Variants in KIF3C observed in about 807,000 individuals in gnomAD.
KIF3C encodes kinesin family member 3C, also known as kinesin-like protein KIF3C.
In KIF3C, 12 loss-of-function variants were observed where a neutral mutation model predicts 67.7. That is an observed-to-expected ratio of 0.18 (90% confidence interval 0.11 to 0.29). The LOEUF is 0.29. Ranked by LOEUF, KIF3C falls within the 10% of genes least tolerant of loss-of-function variation. The pLI is 1.00. For missense variants in KIF3C, 789 were observed against 1,059.6 expected, an observed-to-expected ratio of 0.74 and a Z score of 3.55; for synonymous variants, 393 against 426.2, an observed-to-expected ratio of 0.92 and a Z score of 0.96.
intron 5 of KIF3C, among the ~76,000 whole-genome samples, chr2:25,932,608 G>A (rs955970786): frequency 1.3e-5 from 2 of 150,178 alleles, no homozygotes; most frequent in Non-Finnish European, 1.5e-5. Flanking sequence ...CGAGGCAGGC[G>A]GATCACCTGA....
intron 1 of KIF3C, among the ~76,000 whole-genome samples, chr2:25,966,991 C>T (rs1258218521): frequency 6.6e-6 from 1 of 152,182 alleles, no homozygotes; most frequent in Non-Finnish European, 1.5e-5. Flanking sequence ...GATATTTGAC[C>T]ACCACCGCCC....
At chr2:25,950,994 T>G (rs1663595374) in intron 5 of KIF3C, among the ~76,000 whole-genome samples, 1 of 152,148 alleles carries the variant, frequency 6.6e-6, no homozygotes, top group Non-Finnish European at 1.5e-5. Context: ...GACCTCTTGC[T>G]AGCTTCCCAT....
chr2:25,966,325 C>T (rs567701802), intron 1 of KIF3C, among the ~76,000 whole-genome samples: 8 of 152,240 alleles, frequency 5.3e-5, no homozygotes, highest in Admixed American at 1.3e-4. Context: ...AGGCTGGTCT[C>T]GAACTCCTGA....
intron 5 of KIF3C, among the ~76,000 whole-genome samples, chr2:25,947,576 C>T (rs979914129): frequency 2.0e-5 from 3 of 147,602 alleles, no homozygotes; most frequent in African/African-American, 5.0e-5. Flanking sequence ...GCGAGACTGC[C>T]TCAAAAAAAA....
intron 1 of KIF3C, among the ~76,000 whole-genome samples, chr2:25,979,300 T>A (rs6724232): frequency 0.13 from 19,915 of 151,996 alleles, 1,679 homozygotes; most frequent in African/African-American, 0.24. Context: ...GCCTGGAAGG[T>A]CCCGGGGGTG....
chr2:25,962,086 G>A lies in KIF3C; in HGVS notation c.1546-5642C>T, dbSNP rs78680011. Among the ~76,000 whole-genome samples, 1,440 of 152,270 alleles carry A rather than the reference G, an allele frequency of 9.5e-3. 23 individuals carry two copies. Among genetic ancestry groups the A allele is most frequent in the African/African-American group, 0.032 (1,341 of 41,564 alleles). ...ATCCATCCTGGCACATAGAGTAAGAGCTCACGTCTTGAGGTTTGACAGCAG... is the reference window on the plus strand; with the variant it reads ...ATCCATCCTGGCACATAGAGTAAGAACTCACGTCTTGAGGTTTGACAGCAG... On this transcript the variant is annotated intron_variant, in intron 1 of 7. Transcript: ENST00000264712.
chr2:25,966,265 C>T (rs1254805038), intron 1 of KIF3C, among the ~76,000 whole-genome samples: 1 of 152,124 alleles, frequency 6.6e-6, no homozygotes, highest in Non-Finnish European at 1.5e-5. Context: ...GCCACCACGC[C>T]CAGCTAGCTT....
intron 5 of KIF3C, among the ~76,000 whole-genome samples, chr2:25,936,165 T>C (rs1663120446): frequency 6.6e-6 from 1 of 152,084 alleles, no homozygotes; most frequent in Non-Finnish European, 1.5e-5. Context: ...TGCCACAATA[T>C]ATTAATAAAA....
Position 25,974,639 on chromosome 2 carries a change from T to C in KIF3C, c.1545+5734A>G, listed in dbSNP as rs543847104. On this transcript the variant is annotated intron_variant, in intron 1 of 7. Transcript: ENST00000264712. ...CTGGCTGACTCTGATGCCCATGCCC[T>C]GAACATAGCACTTCATATAATAAGG... Among the ~76,000 whole-genome samples the C allele has an allele frequency of 3.3e-5, 5 of 152,266 alleles. No individual in the cohort carries two copies. The South Asian group carries it at 1.0e-3, about 32-fold the overall frequency.
At chr2:25,962,914 T>TACATATA (rs1559555261) in intron 1 of KIF3C, among the ~76,000 whole-genome samples, 10 of 54,916 alleles carry the variant, frequency 1.8e-4, no homozygotes, top group Admixed American at 7.1e-4. Context: ...TAATATATAA[T>TACATATA]ATATATAATA....
chr2:25,943,725 C>A (rs1294367385), intron 5 of KIF3C, among the ~76,000 whole-genome samples: 1 of 151,870 alleles, frequency 6.6e-6, no homozygotes, highest in Non-Finnish European at 1.5e-5. Flanking sequence ...ATTTGCCAGG[C>A]GTGGTGGCAC....
At chr2:25,932,626 A>G (rs2090470883) in intron 5 of KIF3C, among the ~76,000 whole-genome samples, 1 of 150,214 alleles carries the variant, frequency 6.7e-6, no homozygotes, top group Non-Finnish European at 1.5e-5. Flanking sequence ...TGAGGTCAGG[A>G]GTTTGAGACC....
At chr2:25,963,013 T>TATATAATATATA (rs1275841207) in intron 1 of KIF3C, among the ~76,000 whole-genome samples, 1 of 44,370 alleles carries the variant, frequency 2.3e-5, no homozygotes, top group East Asian at 6.0e-4. Flanking sequence ...TAATATATAA[T>TATATAATATATA]ATATATAATA....
chr2:25,974,348 A>G (rs1398586289), intron 1 of KIF3C, among the ~76,000 whole-genome samples: 3 of 152,064 alleles, frequency 2.0e-5, no homozygotes, highest in Non-Finnish European at 4.4e-5. Flanking sequence ...GATTACAGGC[A>G]TGAGCCACCG....
In KIF3C at chr2:25,926,918, G is replaced by A. The variant is rs1471605703; in HGVS notation, c.*2060C>T. 1 of 152,142 alleles carries A rather than the reference G, an allele frequency of 6.6e-6. No homozygotes were observed. The highest frequency in any genetic ancestry group is 6.6e-5 in the Admixed American group (1 of 15,256). 9.4% of individuals were successfully genotyped at this position (152,142 alleles called of 1,614,324 possible). On this transcript the variant is annotated 3_prime_UTR_variant, in exon 8 of 8. Transcript: ENST00000264712. ...CAATCAAATATTTGATACACCAAAA[G>A]GAAAAGGAGAGAAAGAGAGACAGAG...
In KIF3C at chr2:25,929,940, C is replaced by T. The variant is rs1559546532; in HGVS notation, c.2115+15G>A. 2 of 1,582,644 alleles carry T rather than the reference C, an allele frequency of 1.3e-6. No individual in the cohort carries two copies. The highest frequency in any genetic ancestry group is 1.7e-6 in the Non-Finnish European group (2 of 1,151,374). ...CTCCCTCCCGTAGGCTCTTTCTCCC[C>T]TCTCCGCTTCTTACCCTGTACCTGG... On this transcript the variant is annotated intron_variant, in intron 6 of 7. Transcript: ENST00000264712.
At chr2:25,939,740 G>C (rs1347479441) in intron 5 of KIF3C, among the ~76,000 whole-genome samples, 1 of 152,024 alleles carries the variant, frequency 6.6e-6, no homozygotes. Flanking sequence ...ATTACCTGAG[G>C]TCAGGAGTTC....
intron 1 of KIF3C, among the ~76,000 whole-genome samples, chr2:25,979,150 T>C (rs1240992385): frequency 6.6e-6 from 1 of 152,174 alleles, no homozygotes; most frequent in African/African-American, 2.4e-5. Context: ...TGGCTTCCTG[T>C]GTCCTTCCTT....
chr2:25,934,996 C>A (rs1663050934), intron 5 of KIF3C, among the ~76,000 whole-genome samples: 1 of 152,008 alleles, frequency 6.6e-6, no homozygotes. Flanking sequence ...ATAATCCCAG[C>A]ACTTTGGGAG....
Sources: gnomAD v4.1 joint callset for allele counts (sites outside exome capture counted in the v4.1 genomes callset) on GRCh38, gnomAD v4.1.1 for gene constraint, MANE v1.5 for transcripts, NCBI Gene and HGNC (gene_info 2026-07-23, HGNC 2026-07-21) for gene names.